MARCHF1: variants seen among roughly 807,000 people sequenced by gnomAD.
MARCHF1 encodes the protein membrane associated ring-CH-type finger 1.
A neutral mutation model predicts 54.2 loss-of-function variants in MARCHF1; 40 were observed. The ratio of observed to expected loss-of-function variants is 0.74; its 90% CI spans 0.57 to 0.96. MARCHF1 has a LOEUF of 0.96. Ranked by LOEUF, MARCHF1 falls within the 40% of genes least tolerant of loss-of-function variation. MARCHF1 has a pLI of 0.00. For missense variants in MARCHF1, 586 were observed against 656.5 expected, an observed-to-expected ratio of 0.89 and a Z score of 1.17; for synonymous variants, 236 against 236.3, an observed-to-expected ratio of 1.00 and a Z score of 0.01.
chr4:163,573,310 A>ATTG (rs1739904724), intron 8 of MARCHF1, among the ~76,000 whole-genome samples: 1 of 148,498 alleles, frequency 6.7e-6, no homozygotes, highest in Non-Finnish European at 1.5e-5. Context: ...TATTATTATT[A>ATTG]TTATTATTAT....
intron 8 of MARCHF1, among the ~76,000 whole-genome samples, chr4:163,572,839 T>C (rs1037636278): frequency 6.6e-6 from 1 of 152,130 alleles, no homozygotes; most frequent in Admixed American, 6.6e-5. Flanking sequence ...GTCTACCTCC[T>C]GCCCTACATT....
intron 2 of MARCHF1, among the ~76,000 whole-genome samples, chr4:164,075,408 A>C (rs1754955505): frequency 6.6e-6 from 1 of 152,158 alleles, no homozygotes; most frequent in African/African-American, 2.4e-5. Flanking sequence ...GGCTTTGCTC[A>C]CTCATGTCCT....
At chr4:163,820,850 C>T (rs1389699) in intron 4 of MARCHF1, among the ~76,000 whole-genome samples, 120,144 of 151,558 alleles carry the variant, frequency 0.79, 48,537 homozygotes, top group South Asian at 0.91. Context: ...TTTCCTGGGA[C>T]CCTGAAATAG....
intron 1 of MARCHF1, among the ~76,000 whole-genome samples, chr4:164,242,839 C>G (rs1191743950): frequency 6.6e-6 from 1 of 151,184 alleles, no homozygotes; most frequent in Non-Finnish European, 1.5e-5. Flanking sequence ...ATGCAGAAGC[C>G]TCAGGAGCCG....
chr4:164,208,870 C>T (rs954413907), intron 1 of MARCHF1, among the ~76,000 whole-genome samples: 12 of 152,034 alleles, frequency 7.9e-5, no homozygotes, highest in South Asian at 4.1e-4. Flanking sequence ...AAACACTTGA[C>T]CCCCAGGAGG....
At chr4:164,381,062 T>C (rs4286484) in intron 1 of MARCHF1, among the ~76,000 whole-genome samples, 1 of 152,204 alleles carries the variant, frequency 6.6e-6, no homozygotes, top group Non-Finnish European at 1.5e-5. Context: ...TTATTCTTCA[T>C]ACAGGATCTT....
chr4:164,344,253 C>T (rs973825347), intron 1 of MARCHF1, among the ~76,000 whole-genome samples: 3 of 152,020 alleles, frequency 2.0e-5, no homozygotes, highest in African/African-American at 4.8e-5. Context: ...GGGAGAAGAT[C>T]GGAAAACAAT....
At chr4:163,722,302 A>T (rs187636872) in intron 4 of MARCHF1, among the ~76,000 whole-genome samples, 9 of 152,242 alleles carry the variant, frequency 5.9e-5, no homozygotes, top group African/African-American at 2.2e-4. Context: ...GTAGTCATTC[A>T]GGAGCAGGTT....
chr4:164,277,031 G>T (rs548951285), intron 1 of MARCHF1, among the ~76,000 whole-genome samples: 1 of 150,774 alleles, frequency 6.6e-6, no homozygotes, highest in East Asian at 2.0e-4. Flanking sequence ...TGAGTTCCAC[G>T]GTGTTGAGAG....
At chr4:164,341,125 T>C (rs1729915388) in intron 1 of MARCHF1, among the ~76,000 whole-genome samples, 1 of 152,084 alleles carries the variant, frequency 6.6e-6, no homozygotes, top group African/African-American at 2.4e-5. Context: ...ATAATAAAAA[T>C]CATTTGATCA....
At chr4:163,977,092 A>G (rs1752663573) in intron 3 of MARCHF1, among the ~76,000 whole-genome samples, 1 of 151,992 alleles carries the variant, frequency 6.6e-6, no homozygotes, top group African/African-American at 2.4e-5. Flanking sequence ...AAGTCAACAC[A>G]TACATCATGT....
At chr4:163,675,487 A>G (rs1167730637) in intron 5 of MARCHF1, among the ~76,000 whole-genome samples, 2 of 152,208 alleles carry the variant, frequency 1.3e-5, no homozygotes, top group Admixed American at 1.3e-4. Context: ...AACAAGCACA[A>G]AATTGCTAGG....
At chr4:164,102,699 G>A (rs1755594615) in intron 2 of MARCHF1, among the ~76,000 whole-genome samples, 1 of 151,700 alleles carries the variant, frequency 6.6e-6, no homozygotes, top group African/African-American at 2.4e-5. Context: ...GGAAGAAACT[G>A]CATCAACTAA....
intron 3 of MARCHF1, among the ~76,000 whole-genome samples, chr4:163,929,947 T>TAA (rs1560823658): frequency 1.8e-4 from 1 of 5,624 alleles, no homozygotes. Context: ...ATATTTATAT[T>TAA]ATATATATTA....
At chr4:163,902,057 C>A (rs1264013391) in intron 3 of MARCHF1, among the ~76,000 whole-genome samples, 1 of 152,150 alleles carries the variant, frequency 6.6e-6, no homozygotes, top group Non-Finnish European at 1.5e-5. Flanking sequence ...TCCCCAAATA[C>A]CTCCTCAAAA....
chr4:164,304,282 C>T (rs1198909582), intron 1 of MARCHF1, among the ~76,000 whole-genome samples: 1 of 152,146 alleles, frequency 6.6e-6, no homozygotes, highest in Non-Finnish European at 1.5e-5. Flanking sequence ...ACTGTGAGGC[C>T]TCTAGCAACA....
chr4:163,765,805 G>C (rs10033167), intron 4 of MARCHF1, among the ~76,000 whole-genome samples: 66,419 of 148,214 alleles, frequency 0.45, 14,873 homozygotes, highest in Admixed American at 0.48. Flanking sequence ...TCATCTTAAA[G>C]TGATATACCG....
intron 1 of MARCHF1, among the ~76,000 whole-genome samples, chr4:164,244,678 T>C (rs1389271259): frequency 6.6e-6 from 1 of 151,088 alleles, no homozygotes; most frequent in Non-Finnish European, 1.5e-5. Flanking sequence ...AGCTGGTTTT[T>C]TGAAAGGATC....
chr4:163,825,972 C>G (rs996683519), intron 4 of MARCHF1, among the ~76,000 whole-genome samples: 1 of 151,934 alleles, frequency 6.6e-6, no homozygotes, highest in African/African-American at 2.4e-5. Flanking sequence ...AGTAAATTGG[C>G]TATTGTCATA....
Sources: allele counts gnomAD v4.1 joint callset (sites outside exome capture counted in the v4.1 genomes callset), GRCh38; gene constraint gnomAD v4.1.1; transcripts MANE v1.5; gene names NCBI Gene and HGNC (gene_info 2026-07-23, HGNC 2026-07-21).